Variants in RHBDD1 observed in about 807,000 individuals in gnomAD.
RHBDD1 encodes rhomboid-related protein 4.
Under a neutral mutation model 36.3 loss-of-function variants are expected in RHBDD1, and 38 were observed. The observed-to-expected ratio is 1.05, with a 90% CI of 0.81 to 1.37. The LOEUF is 1.37. RHBDD1 is among the 40% of genes most tolerant of loss of function. The pLI, the probability that RHBDD1 is intolerant of heterozygous loss-of-function variation, is 0.00. For synonymous variants in RHBDD1, 151 were observed against 136.5 expected (o/e 1.11, Z -0.74); for missense variants, 393 against 377.6 (o/e 1.04, Z -0.34).
intron 6 of RHBDD1, among the ~76,000 whole-genome samples, chr2:226,907,675 GAT>G (rs1948165607): frequency 6.6e-6 from 1 of 152,156 alleles, no homozygotes; most frequent in Non-Finnish European, 1.5e-5. Flanking sequence ...TAATATTCAT[GAT>G]AGTAGAAAGC....
chr2:226,814,089 G>A, the RHBDD1 span, among the ~76,000 whole-genome samples: 11 of 152,270 alleles, frequency 7.2e-5, no homozygotes, highest in African/African-American at 2.4e-4. Flanking sequence ...TATATAGGGG[G>A]TGAAGAAAGC....
At chr2:226,965,022 T>C (rs151271130) in intron 8 of RHBDD1, among the ~76,000 whole-genome samples, 114 of 152,336 alleles carry the variant, frequency 7.5e-4, no homozygotes, top group African/African-American at 2.6e-3. Flanking sequence ...GTGGGTTGAA[T>C]GTTATCCTCT....
rs1373877180 is a variant in RHBDD1 at position 226,891,045 on chromosome 2, A to G, written c.567-15748A>G. Among the ~76,000 whole-genome samples, 5 of 152,264 alleles carry G rather than the reference A, an allele frequency of 3.3e-5. No homozygotes were observed. The South Asian group carries it at 8.3e-4, about 25-fold the overall frequency. ...GCTTTTGTATTAGTTATCTATTGCT[A>G]TGTAACAAATGATCTCAAATCCAGT... On this transcript the variant is annotated intron_variant, in intron 5 of 8. Transcript: ENST00000392062.
chr2:226,963,565 A>G (rs966500418), intron 8 of RHBDD1, among the ~76,000 whole-genome samples: 2 of 152,018 alleles, frequency 1.3e-5, no homozygotes, highest in African/African-American at 2.4e-5. Flanking sequence ...CAGTTCATTG[A>G]TTCCTTACTT....
chr2:226,814,880 A>G, the RHBDD1 span, among the ~76,000 whole-genome samples: 1 of 152,338 alleles, frequency 6.6e-6, no homozygotes, highest in South Asian at 2.1e-4. Flanking sequence ...CACATTGGTG[A>G]TGCAGGTGGC....
chr2:226,851,683 G>T (rs1356033068), intron 3 of RHBDD1, among the ~76,000 whole-genome samples: 2 of 152,114 alleles, frequency 1.3e-5, no homozygotes, highest in Admixed American at 6.5e-5. Flanking sequence ...CCCTTGGAAT[G>T]AATTAATTGT....
At chr2:226,934,615 A>T (rs1424435840) in intron 8 of RHBDD1, among the ~76,000 whole-genome samples, 1 of 152,128 alleles carries the variant, frequency 6.6e-6, no homozygotes, top group Non-Finnish European at 1.5e-5. Flanking sequence ...ATTGAAATTT[A>T]TATTATTTCA....
intron 3 of RHBDD1, among the ~76,000 whole-genome samples, chr2:226,845,505 C>G (rs1293312187): frequency 6.6e-6 from 1 of 152,162 alleles, no homozygotes; most frequent in Non-Finnish European, 1.5e-5. Context: ...ATATTGCCAC[C>G]CTTGTATATA....
rs972298771 is a variant in RHBDD1 at position 226,995,461 on chromosome 2, G to A, written c.887G>A (p.Gly296Glu). 10 of 1,612,942 alleles carry A rather than the reference G, an allele frequency of 6.2e-6. No homozygotes were observed. The African/African-American group carries it at 1.3e-4, about 22-fold the overall frequency. The change falls in exon 9 of 9, where the codon GGG (glycine) becomes GAG (glutamate). Residue 296 changes from glycine (G) to glutamate (E), a missense_variant. By Grantham distance (98) the Gly-to-Glu change is moderately conservative. Coordinates refer to ENST00000392062, the MANE Select transcript of RHBDD1 (RefSeq NM_001167608.3). ...ACCAGAAATAGCCCACCACCCTACG[G>A]GTTTCATCTCTCACCAGAAGAAATG... The part of the protein sequence containing the change: ...GNTRNSPPPY[G>E]FHLSPEEMRR...
At position 226,988,471 on chromosome 2, in the gene RHBDD1, C is replaced by T. The variant is rs1315652034; in HGVS notation, c.857-6960C>T. ...AAGGAATCCTTTGAGGCTGCAGGGT[C>T]CCTGTAGTGGAGTTGAGCAAAGACT... is the stretch of plus-strand genomic sequence containing the variant. On this transcript the variant is annotated intron_variant, in intron 8 of 8. Coordinates refer to ENST00000392062, the MANE Select transcript of RHBDD1 (RefSeq NM_001167608.3). 5.8e-6 allele frequency: 9 copies of T among 1,546,812 alleles called. No individual in the cohort carries two copies. The Admixed American group carries it at 9.9e-5, about 17-fold the overall frequency.
the RHBDD1 span, among the ~76,000 whole-genome samples, chr2:226,814,086 G>A: frequency 6.6e-6 from 1 of 152,104 alleles, no homozygotes; most frequent in African/African-American, 2.4e-5. Context: ...TTCTATATAG[G>A]GGGTGAAGAA....
chr2:226,961,970 C>T (rs900346126), intron 8 of RHBDD1, among the ~76,000 whole-genome samples: 37 of 152,166 alleles, frequency 2.4e-4, no homozygotes, highest in African/African-American at 8.7e-4. Flanking sequence ...TTCAGTCTGT[C>T]GTTCCTAATG....
intron 8 of RHBDD1, among the ~76,000 whole-genome samples, chr2:226,976,803 G>T (rs919941978): frequency 6.6e-6 from 1 of 152,112 alleles, no homozygotes; most frequent in African/African-American, 2.4e-5. Context: ...CTTGGCCCTG[G>T]GTCACAAGGG....
chr2:226,874,522 C>T (rs765501845), intron 5 of RHBDD1, among the ~76,000 whole-genome samples: 1 of 152,180 alleles, frequency 6.6e-6, no homozygotes, highest in South Asian at 2.1e-4. Context: ...CTTCCAGCTC[C>T]TGGTGGCTGC....
At chr2:226,921,983 CTAA>C (rs1949344015) in intron 8 of RHBDD1, among the ~76,000 whole-genome samples, 2 of 152,126 alleles carry the variant, frequency 1.3e-5, no homozygotes, top group South Asian at 4.1e-4. Flanking sequence ...CTCTTAAGCT[CTAA>C]TAATATTTGC....
intron 8 of RHBDD1, among the ~76,000 whole-genome samples, chr2:226,924,886 T>C (rs950364075): frequency 2.0e-5 from 3 of 152,230 alleles, no homozygotes; most frequent in Non-Finnish European, 2.9e-5. Flanking sequence ...AGGAGTGGCA[T>C]TGGCAATTCA....
At chr2:226,802,121 C>A in the RHBDD1 span, among the ~76,000 whole-genome samples, 11 of 151,858 alleles carry the variant, frequency 7.2e-5, no homozygotes, top group African/African-American at 2.4e-4. Flanking sequence ...TTTATTTGCA[C>A]GTACCTCACA....
intron 8 of RHBDD1, among the ~76,000 whole-genome samples, chr2:226,960,862 T>C (rs766534249): frequency 6.6e-6 from 1 of 152,182 alleles, no homozygotes; most frequent in Non-Finnish European, 1.5e-5. Context: ...GGAAGGACCT[T>C]GTACAATAAG....
At chr2:226,801,889 AAGGGCTTTTCAC>A in the RHBDD1 span, among the ~76,000 whole-genome samples, 1 of 152,172 alleles carries the variant, frequency 6.6e-6, no homozygotes, top group African/African-American at 2.4e-5. Context: ...GATAAGGCCA[AAGGGCTTTTCAC>A]AGGTTTGATG....
Sources: gnomAD v4.1 joint callset for allele counts (sites outside exome capture counted in the v4.1 genomes callset) on GRCh38, gnomAD v4.1.1 for gene constraint, MANE v1.5 for transcripts, NCBI Gene and HGNC (gene_info 2026-07-23, HGNC 2026-07-21) for gene names.